Variants in RGS7 observed in about 807,000 individuals in gnomAD.
RGS7 encodes regulator of G-protein signaling 7.
Under a neutral mutation model 81.1 loss-of-function variants are expected in RGS7, and 27 were observed. That is an observed-to-expected ratio of 0.33 (90% CI 0.25 to 0.46). The LOEUF (loss-of-function observed/expected upper bound fraction) is 0.46. RGS7 is among the 20% of genes least tolerant of loss of function. The pLI, the probability that RGS7 is intolerant of heterozygous loss-of-function variation, is 1.00. For synonymous variants in RGS7, 208 were observed against 207.7 expected (o/e 1.00, Z -0.01); for missense variants, 396 against 607.4 (o/e 0.65, Z 3.66).
intron 3 of RGS7, among the ~76,000 whole-genome samples, chr1:241,043,643 CAT>C (rs894105723): frequency 1.0e-4 from 15 of 144,414 alleles, no homozygotes; most frequent in South Asian, 2.2e-4. Flanking sequence ...TATTATAATA[CAT>C]AGTTATATTT....
intron 3 of RGS7, among the ~76,000 whole-genome samples, chr1:241,052,512 T>A (rs896161747): frequency 1.3e-5 from 2 of 152,114 alleles, no homozygotes; most frequent in African/African-American, 4.8e-5. Context: ...TACTCTGAAC[T>A]CTTTGCCATA....
intron 3 of RGS7, among the ~76,000 whole-genome samples, chr1:241,088,543 C>T (rs1163678183): frequency 6.6e-6 from 1 of 152,012 alleles, no homozygotes; most frequent in African/African-American, 2.4e-5. Context: ...ATGAACACCC[C>T]AACAATTACC....
chr1:241,040,552 A>G (rs1384320425), intron 3 of RGS7, among the ~76,000 whole-genome samples: 1 of 151,880 alleles, frequency 6.6e-6, no homozygotes, highest in African/African-American at 2.4e-5. Flanking sequence ...CCCAGGCTGG[A>G]GTGCAGTGGC....
rs190001648 is a variant in RGS7, at chr1:241,065,075, C to T, written c.175+33591G>A. Among the ~76,000 whole-genome samples the T allele has an allele frequency of 1.0e-3, 159 of 152,102 alleles. 1 individual carries two copies. The highest frequency in any genetic ancestry group is 3.5e-3 in the African/African-American group (146 of 41,516). On this transcript the variant is annotated intron_variant, in intron 3 of 18. Transcript: ENST00000440928. The stretch of plus-strand genomic sequence containing the variant: ...TGGATTTTAGAATCGGGAAGATACA[C>T]CTCCACCACTTATTAGTTATGTAAA...
rs78995379 is a variant in RGS7 at position 241,350,040 on chromosome 1, A to C, written c.78+5659T>G. On this transcript the variant is annotated intron_variant, in intron 2 of 18. Transcript: ENST00000440928. The stretch of plus-strand genomic sequence containing the variant: ...GATTCAGGGAGATTGGAAGTGGGAA[A>C]TAAAAGAAATAAAATTCAGGCCACA... Among the ~76,000 whole-genome samples, 1,190 of 152,338 alleles carry C rather than the reference A, an allele frequency of 7.8e-3. 18 individuals carry two copies. Among genetic ancestry groups the C allele is most frequent in the African/African-American group, 0.027 (1,127 of 41,572 alleles).
At chr1:241,047,977 C>A (rs1014731563) in intron 3 of RGS7, among the ~76,000 whole-genome samples, 5 of 151,972 alleles carry the variant, frequency 3.3e-5, no homozygotes, top group African/African-American at 1.2e-4. Flanking sequence ...TGACCTCAGG[C>A]AACCCACCTG....
chr1:241,325,623 A>T (rs2081446579), intron 2 of RGS7, among the ~76,000 whole-genome samples: 1 of 152,144 alleles, frequency 6.6e-6, no homozygotes, highest in Non-Finnish European at 1.5e-5. Flanking sequence ...TTCTCACTCC[A>T]TTTGGGTTAT....
chr1:240,891,230 A>G (rs1668247350), intron 6 of RGS7, among the ~76,000 whole-genome samples: 1 of 152,138 alleles, frequency 6.6e-6, no homozygotes, highest in Non-Finnish European at 1.5e-5. Flanking sequence ...ATTGAAGGAA[A>G]TTATCAATGT....
intron 2 of RGS7, among the ~76,000 whole-genome samples, chr1:241,170,248 A>T (rs977353077): frequency 2.0e-5 from 3 of 152,224 alleles, no homozygotes; most frequent in African/African-American, 7.2e-5. Flanking sequence ...TTTCCCAAAG[A>T]TTTGAAATAA....
At chr1:241,122,566 G>A (rs756732480) in intron 2 of RGS7, among the ~76,000 whole-genome samples, 2 of 151,588 alleles carry the variant, frequency 1.3e-5, no homozygotes, top group African/African-American at 2.4e-5. Context: ...GGAGGCTGAC[G>A]CAGGAGAATC....
At chr1:241,209,602 G>T (rs1177995960) in intron 2 of RGS7, among the ~76,000 whole-genome samples, 2 of 152,138 alleles carry the variant, frequency 1.3e-5, no homozygotes, top group African/African-American at 2.4e-5. Flanking sequence ...TTGGGAGGCT[G>T]AGGCAGGAGG....
intron 18 of RGS7, among the ~76,000 whole-genome samples, chr1:240,796,927 T>G (rs1185210567): frequency 3.3e-5 from 5 of 152,170 alleles, no homozygotes; most frequent in Non-Finnish European, 1.5e-5. Flanking sequence ...TACAGATAAT[T>G]GTCTTCATTA....
At chr1:241,052,440 G>A (rs938927) in intron 3 of RGS7, among the ~76,000 whole-genome samples, 95,414 of 152,010 alleles carry the variant, frequency 0.63, 31,378 homozygotes, top group East Asian at 0.96. Context: ...CGTGAAGGCC[G>A]AGCAGTATGG....
At chr1:241,079,090 G>A (rs900539250) in intron 3 of RGS7, among the ~76,000 whole-genome samples, 7 of 152,166 alleles carry the variant, frequency 4.6e-5, no homozygotes, top group Admixed American at 1.3e-4. Context: ...CCTGAAATGC[G>A]TCTAAGCTAG....
intron 6 of RGS7, among the ~76,000 whole-genome samples, chr1:240,873,746 A>G (rs1553333806): frequency 6.6e-6 from 1 of 152,222 alleles, no homozygotes; most frequent in South Asian, 2.1e-4. Flanking sequence ...CCCCAGTATC[A>G]AAATGTGGAA....
intron 2 of RGS7, among the ~76,000 whole-genome samples, chr1:241,220,999 G>GGAAGGAAGAA (rs1558203363): frequency 1.5e-5 from 1 of 64,740 alleles, no homozygotes; most frequent in African/African-American, 5.7e-5. Flanking sequence ...GGAAGGAAGA[G>GGAAGGAAGAA]AGAGAGAAAG....
At chr1:240,952,255 G>A (rs1679686996) in intron 4 of RGS7, among the ~76,000 whole-genome samples, 1 of 152,038 alleles carries the variant, frequency 6.6e-6, no homozygotes, top group African/African-American at 2.4e-5. Flanking sequence ...CTTATTCTTA[G>A]TTTATCTAAA....
intron 3 of RGS7, among the ~76,000 whole-genome samples, chr1:241,023,082 T>C (rs1472115203): frequency 1.6e-5 from 1 of 62,994 alleles, no homozygotes; most frequent in East Asian, 2.4e-4. Flanking sequence ...ACTACAGATA[T>C]AGTTGTTATA....
chr1:240,815,626 T>C (rs1053057088), intron 11 of RGS7, among the ~76,000 whole-genome samples: 1 of 152,112 alleles, frequency 6.6e-6, no homozygotes, highest in African/African-American at 2.4e-5. Flanking sequence ...GTAAATATAC[T>C]AGAAAAGTAT....
Sources: gnomAD v4.1 joint callset for allele counts (sites outside exome capture counted in the v4.1 genomes callset) on GRCh38, gnomAD v4.1.1 for gene constraint, MANE v1.5 for transcripts, NCBI Gene and HGNC (gene_info 2026-07-23, HGNC 2026-07-21) for gene names.